Variants in CAMK1D observed in about 807,000 individuals in gnomAD.
CAMK1D encodes the protein calcium/calmodulin-dependent protein kinase type 1D.
Under a neutral mutation model 47.7 loss-of-function variants are expected in CAMK1D, and 9 were observed. The observed-to-expected ratio is 0.19, with a 90% CI of 0.11 to 0.33. CAMK1D has a LOEUF of 0.33. CAMK1D is among the 10% of genes least tolerant of loss of function. The pLI is 1.00. For synonymous variants in CAMK1D, 184 were observed against 184.9 expected (o/e 0.99, Z 0.04); for missense variants, 291 against 488.7 (o/e 0.60, Z 3.81).
chr10:12,391,994 C>A (rs12242771), intron 1 of CAMK1D, among the ~76,000 whole-genome samples: 1 of 149,926 alleles, frequency 6.7e-6, no homozygotes, highest in Admixed American at 6.6e-5. Context: ...CACACACACA[C>A]ACACACACAC....
intron 5 of CAMK1D, among the ~76,000 whole-genome samples, chr10:12,787,342 T>G (rs913683298): frequency 1.3e-5 from 2 of 152,174 alleles, no homozygotes; most frequent in African/African-American, 2.4e-5. Context: ...TTATTCTTTC[T>G]TTTTCTGAGC....
Position 12,825,575 on chromosome 10 carries a change from A to G in CAMK1D, c.924A>G (p.Gln308=). 1 of 1,601,630 alleles carries G rather than the reference A, an allele frequency of 6.2e-7. No individual in the cohort carries two copies. The highest frequency in any genetic ancestry group is 1.8e-5 in the Admixed American group (1 of 56,404). ...TTTTTTCCTTTCTGAAATTTCAGCAAGCATTTAATGCCACGGCCGTCGTCA... is the reference window on the plus strand; with the variant it reads ...TTTTTTCCTTTCTGAAATTTCAGCAGGCATTTAATGCCACGGCCGTCGTCA... ...RKNFAKSKWR[Q]AFNATAVVRH... Residue 308 remains glutamine, a splice_region_variant and synonymous_variant, in exon 10 of 11, where the codon CAA becomes CAG. Transcript: ENST00000619168.
At chr10:12,827,311 C>CTTTTTTTTCTTTCT (rs1554831745) in intron 10 of CAMK1D, among the ~76,000 whole-genome samples, 1 of 123,532 alleles carries the variant, frequency 8.1e-6, no homozygotes, top group Non-Finnish European at 1.6e-5. Context: ...CTCTCTTTTT[C>CTTTTTTTTCTTTCT]TTTTCTTTCT....
In CAMK1D at chr10:12,520,414, G is replaced by A. The variant is rs1410968109; in HGVS notation, c.93-32811G>A. ...CTCCTCACTTCTTAGATGGGATGGC[G>A]GCTGGGCAGAGACGCTCCTCACTTT... On this transcript the variant is annotated intron_variant, in intron 1 of 10. Coordinates refer to ENST00000619168, the MANE Select transcript of CAMK1D (RefSeq NM_153498.4). Among the ~76,000 whole-genome samples the A allele has an allele frequency of 2.3e-5, 2 of 87,030 alleles. 1 individual carries two copies. The highest frequency in any genetic ancestry group is 4.9e-5 in the Non-Finnish European group (2 of 40,842). 57.1% of individuals were successfully genotyped at this position (87,030 alleles called of 152,430 possible). A position where few individuals can be genotyped will look rare whatever the true frequency, so the allele number is the denominator to read the frequency against.
intron 2 of CAMK1D, among the ~76,000 whole-genome samples, chr10:12,575,077 A>G (rs1298407891): frequency 6.6e-6 from 1 of 151,390 alleles, no homozygotes; most frequent in Non-Finnish European, 1.5e-5. Flanking sequence ...TATCACTCCT[A>G]TTTTTTTCTT....
intron 1 of CAMK1D, among the ~76,000 whole-genome samples, chr10:12,531,242 G>T (rs1040977488): frequency 2.6e-5 from 4 of 152,148 alleles, no homozygotes; most frequent in African/African-American, 9.7e-5. Context: ...GCAGTTTGAT[G>T]ATGATATGCT....
intron 3 of CAMK1D, among the ~76,000 whole-genome samples, chr10:12,749,916 C>G (rs1161278110): frequency 6.6e-6 from 1 of 152,110 alleles, no homozygotes; most frequent in African/African-American, 2.4e-5. Context: ...TTAAAAGCTG[C>G]CTACACCATA....
intron 1 of CAMK1D, among the ~76,000 whole-genome samples, chr10:12,434,775 G>A (rs1392985538): frequency 2.0e-5 from 3 of 152,168 alleles, no homozygotes; most frequent in Admixed American, 6.5e-5. Flanking sequence ...GTGGTAGCCC[G>A]GTCACCTTGA....
chr10:12,765,709 G>A (rs192212018), intron 4 of CAMK1D, among the ~76,000 whole-genome samples: 31 of 152,222 alleles, frequency 2.0e-4, no homozygotes, highest in Admixed American at 8.5e-4. Flanking sequence ...GCTTCAGAGC[G>A]GACATTTAGT....
chr10:12,819,351 G>A (rs1459151754), intron 8 of CAMK1D, among the ~76,000 whole-genome samples: 1 of 152,190 alleles, frequency 6.6e-6, no homozygotes, highest in Non-Finnish European at 1.5e-5. Context: ...TGAACACATG[G>A]TATTCCAGAG....
intron 1 of CAMK1D, among the ~76,000 whole-genome samples, chr10:12,543,517 T>G (rs1836266258): frequency 1.3e-5 from 2 of 152,098 alleles, no homozygotes; most frequent in African/African-American, 4.8e-5. Flanking sequence ...TGGCTCTGAG[T>G]TCTGGGCCCA....
At chr10:12,613,651 TG>T (rs1838697557) in intron 2 of CAMK1D, among the ~76,000 whole-genome samples, 1 of 152,208 alleles carries the variant, frequency 6.6e-6, no homozygotes, top group Non-Finnish European at 1.5e-5. Context: ...GCTCATTTTT[TG>T]TATTTTTAGT....
Position 12,816,999 on chromosome 10 carries a change from T to G in CAMK1D, c.833+671T>G, listed in dbSNP as rs60268666. Among the ~76,000 whole-genome samples the G allele has an allele frequency of 4.6e-3, 667 of 144,894 alleles. 5 individuals carry two copies. Among genetic ancestry groups the G allele is most frequent in the African/African-American group, 0.015 (607 of 39,592 alleles). On this transcript the variant is annotated intron_variant, in intron 8 of 10. Transcript: ENST00000619168. ...CACAATCGTGGTGGAAGGCAAGGAG[T>G]AGCAAGTCATATCTTACATGGATGG...
At chr10:12,579,119 G>A (rs780111116) in intron 2 of CAMK1D, among the ~76,000 whole-genome samples, 1 of 152,148 alleles carries the variant, frequency 6.6e-6, no homozygotes, top group Non-Finnish European at 1.5e-5. Flanking sequence ...CTGGGTGGGT[G>A]TGGGAGCGCG....
chr10:12,723,395 C>T (rs1004001371), intron 3 of CAMK1D, among the ~76,000 whole-genome samples: 5 of 152,152 alleles, frequency 3.3e-5, no homozygotes, highest in African/African-American at 1.2e-4. Context: ...AGAACCCAAA[C>T]TAATTAAATC....
chr10:12,380,381 G>T (rs974633701), intron 1 of CAMK1D, among the ~76,000 whole-genome samples: 2 of 152,094 alleles, frequency 1.3e-5, no homozygotes, highest in African/African-American at 4.8e-5. Context: ...CAAGGAATTC[G>T]TCACACTTGG....
intron 1 of CAMK1D, among the ~76,000 whole-genome samples, chr10:12,481,991 C>T (rs926973873): frequency 6.6e-6 from 1 of 152,210 alleles, no homozygotes; most frequent in Admixed American, 6.5e-5. Flanking sequence ...CTTAGAATGG[C>T]AGCAAATCCC....
intron 1 of CAMK1D, among the ~76,000 whole-genome samples, chr10:12,390,725 G>A (rs1286794457): frequency 6.6e-6 from 1 of 152,082 alleles, no homozygotes; most frequent in Admixed American, 6.6e-5. Context: ...CTAGTCGAAC[G>A]TGTAAAGGAC....
chr10:12,757,582 G>A (rs1564539400), intron 3 of CAMK1D, among the ~76,000 whole-genome samples: 3 of 152,336 alleles, frequency 2.0e-5, no homozygotes, highest in Non-Finnish European at 4.4e-5. Flanking sequence ...CTGGGATAGT[G>A]TCTACCTCAC....
Sources: gnomAD v4.1 joint callset for allele counts (sites outside exome capture counted in the v4.1 genomes callset) on GRCh38, gnomAD v4.1.1 for gene constraint, MANE v1.5 for transcripts, NCBI Gene and HGNC (gene_info 2026-07-23, HGNC 2026-07-21) for gene names.